Variants in CHCHD6 observed in about 807,000 individuals in gnomAD.
CHCHD6 encodes the protein MICOS complex subunit MIC25.
CHCHD6 carries 28 observed loss-of-function variants against 32.3 expected under a neutral mutation model. The observed-to-expected ratio is 0.87, with a 90% CI of 0.64 to 1.19. The LOEUF (loss-of-function observed/expected upper bound fraction) is 1.19. Among genes scored for constraint, CHCHD6 ranks in the 50% most tolerant of loss-of-function variants. The probability of loss-of-function intolerance (pLI) is 0.00; values close to 1 mark genes in which losing one functional copy is unlikely to be tolerated. For missense variants in CHCHD6, 333 were observed against 307.0 expected (o/e 1.08, Z -0.63); for synonymous variants, 122 against 117.5 (o/e 1.04, Z -0.25).
intron 4 of CHCHD6, among the ~76,000 whole-genome samples, chr3:126,821,671 C>T (rs868532769): frequency 4.0e-5 from 6 of 150,566 alleles, no homozygotes; most frequent in Non-Finnish European, 5.9e-5. Flanking sequence ...TTCCAGTTTC[C>T]CACATCCCAC....
At chr3:126,858,498 A>G (rs2107555613) in intron 5 of CHCHD6, among the ~76,000 whole-genome samples, 1 of 152,254 alleles carries the variant, frequency 6.6e-6, no homozygotes, top group African/African-American at 2.4e-5. Flanking sequence ...CCTCGCTGCC[A>G]GGCACCCTCC....
chr3:126,867,762 C>A (rs116647572), intron 5 of CHCHD6, among the ~76,000 whole-genome samples: 589 of 152,300 alleles, frequency 3.9e-3, no homozygotes, highest in Non-Finnish European at 7.0e-3. Flanking sequence ...CCAAGTCCTG[C>A]CCACATCATT....
rs930150411 is a variant in CHCHD6, at chr3:126,780,420, C to G, written c.411+47198C>G. 1.6e-5 allele frequency: 6 copies of G among 381,426 alleles called. No homozygotes were observed. The East Asian group carries it at 4.9e-4, about 31-fold the overall frequency. The allele number at this position is 381,426 out of a possible 1,614,324, so 23.6% of individuals were successfully genotyped here. ...ACTCCAATCTTCCAGCCGCCTGGCT[C>G]CCTGCCTTGGGTAAGAGTTGTTATT... On this transcript the variant is annotated intron_variant, in intron 4 of 7. Transcript: ENST00000290913.
At chr3:126,806,582 AC>A (rs917428857) in intron 4 of CHCHD6, among the ~76,000 whole-genome samples, 73 of 152,154 alleles carry the variant, frequency 4.8e-4, no homozygotes, top group Admixed American at 1.4e-3. Flanking sequence ...AAATAGGAAC[AC>A]TTTTACACTG....
At chr3:126,820,783 A>G (rs558574949) in intron 4 of CHCHD6, among the ~76,000 whole-genome samples, 2 of 152,298 alleles carry the variant, frequency 1.3e-5, no homozygotes, top group East Asian at 3.9e-4. Context: ...CTTTCCCTCC[A>G]GTAATGTACT....
At chr3:126,877,296 C>A (rs1227772116) in intron 5 of CHCHD6, among the ~76,000 whole-genome samples, 1 of 152,112 alleles carries the variant, frequency 6.6e-6, no homozygotes, top group Non-Finnish European at 1.5e-5. Context: ...TGGCTCGCAC[C>A]TGTAATCTCA....
chr3:126,851,371 T>C (rs1443857110), intron 4 of CHCHD6, among the ~76,000 whole-genome samples: 2 of 152,128 alleles, frequency 1.3e-5, no homozygotes, highest in South Asian at 2.1e-4. Context: ...TACCATAGAG[T>C]GGCTTAAAAG....
intron 5 of CHCHD6, among the ~76,000 whole-genome samples, chr3:126,862,421 TCAC>T (rs1941953468): frequency 5.6e-5 from 2 of 35,658 alleles, no homozygotes; most frequent in African/African-American, 1.2e-4. Flanking sequence ...TCCTCCACCA[TCAC>T]CACCTCCTCC....
At chr3:126,837,891 T>C (rs894113869) in intron 4 of CHCHD6, among the ~76,000 whole-genome samples, 42 of 152,228 alleles carry the variant, frequency 2.8e-4, no homozygotes, top group African/African-American at 9.4e-4. Context: ...TGCTGTCTTG[T>C]TCTTTTCTTA....
In CHCHD6 at chr3:126,892,953, G is replaced by GTTGTTTTGTT. The variant is rs199872466; in HGVS notation, c.496-21704_496-21695dup. Among the ~76,000 whole-genome samples the GTTGTTTTGTT allele has an allele frequency of 2.3e-4, 35 of 151,704 alleles. No individual in the cohort carries two copies. In the East Asian group the frequency reaches 2.5e-3, roughly 11 times the overall value. ...TTGTTTTTCTTTTTTTGTTGTTGTT[G>GTTGTTTTGTT]TTGTTTTGTTTTGTTTTGTTTTGTT... On this transcript the variant is annotated intron_variant, in intron 5 of 7. Transcript: ENST00000290913.
intron 4 of CHCHD6, among the ~76,000 whole-genome samples, chr3:126,773,904 C>T (rs1244211157): frequency 2.0e-5 from 3 of 152,224 alleles, no homozygotes; most frequent in African/African-American, 4.8e-5. Context: ...CTGTGCCCAG[C>T]CTCTGCATAT....
intron 5 of CHCHD6, among the ~76,000 whole-genome samples, chr3:126,853,537 CA>C (rs1396134420): frequency 6.6e-6 from 1 of 152,166 alleles, no homozygotes; most frequent in Non-Finnish European, 1.5e-5. Context: ...CTGATTTCCA[CA>C]GGGGTTTTCT....
In CHCHD6 at chr3:126,792,261, A is replaced by G. The variant is rs536532251; in HGVS notation, c.411+59039A>G. ...ATTCTAATATAGAATATATATTCTA[A>G]TATAGAATATATTAGAATATATATT... On this transcript the variant is annotated intron_variant, in intron 4 of 7. Coordinates refer to ENST00000290913, the MANE Select transcript of CHCHD6 (RefSeq NM_032343.3). 3.4e-5 allele frequency among the ~76,000 whole-genome samples: 5 copies of G among 147,004 alleles called. No individual in the cohort carries two copies. The East Asian group carries it at 9.9e-4, about 29-fold the overall frequency.
chr3:126,886,421 C>T (rs746748726), intron 5 of CHCHD6, among the ~76,000 whole-genome samples: 8 of 152,204 alleles, frequency 5.3e-5, no homozygotes, highest in East Asian at 1.9e-4. Flanking sequence ...AGCACATCTA[C>T]GCTGTAGACA....
intron 4 of CHCHD6, among the ~76,000 whole-genome samples, chr3:126,771,571 T>C (rs1937543360): frequency 6.6e-6 from 1 of 152,218 alleles, no homozygotes; most frequent in Non-Finnish European, 1.5e-5. Context: ...CTATCTTATT[T>C]ATTTTTTCAA....
intron 1 of CHCHD6, among the ~76,000 whole-genome samples, chr3:126,723,003 A>C (rs1184086440): frequency 6.6e-6 from 1 of 152,114 alleles, no homozygotes; most frequent in Non-Finnish European, 1.5e-5. Flanking sequence ...TAGGTGTGCA[A>C]CTATATTATT....
At chr3:126,755,310 T>C (rs561426616) in intron 4 of CHCHD6, among the ~76,000 whole-genome samples, 1 of 152,244 alleles carries the variant, frequency 6.6e-6, no homozygotes, top group Admixed American at 6.5e-5. Flanking sequence ...GCCCTGTCAC[T>C]GTATAGGGCA....
intron 3 of CHCHD6, among the ~76,000 whole-genome samples, chr3:126,731,098 TAA>T (rs34596059): frequency 0.2 from 14,356 of 73,470 alleles, 934 homozygotes; most frequent in South Asian, 0.34. Flanking sequence ...ACCCTGTCTC[TAA>T]AAAAAAAAAA....
At chr3:126,899,981 C>T (rs2077898773) in intron 5 of CHCHD6, among the ~76,000 whole-genome samples, 1 of 152,222 alleles carries the variant, frequency 6.6e-6, no homozygotes, top group African/African-American at 2.4e-5. Context: ...CCAGCGTGTC[C>T]TGATTGTCAC....
Sources: allele counts gnomAD v4.1 joint callset (sites outside exome capture counted in the v4.1 genomes callset), GRCh38; gene constraint gnomAD v4.1.1; transcripts MANE v1.5; gene names NCBI Gene and HGNC (gene_info 2026-07-23, HGNC 2026-07-21).